NUP58: variants seen among roughly 807,000 people sequenced by gnomAD.
NUP58 encodes nucleoporin p58/p45.
In NUP58, 17 loss-of-function variants were observed where a neutral mutation model predicts 70.1. The observed-to-expected ratio is 0.24, with a 90% confidence interval of 0.17 to 0.36. NUP58 has a LOEUF of 0.36. Ranked by LOEUF, NUP58 falls within the 10% of genes least tolerant of loss-of-function variation. The probability of loss-of-function intolerance (pLI) is 1.00; values close to 1 mark genes in which losing one functional copy is unlikely to be tolerated. For synonymous variants in NUP58, 275 were observed against 257.6 expected, an observed-to-expected ratio of 1.07 and a Z score of -0.65; for missense variants, 644 against 701.5, an observed-to-expected ratio of 0.92 and a Z score of 0.93.
At chr13:25,339,841 A>G (rs2031900213) in intron 15 of NUP58, 124 bp from the exon 16 acceptor site, 1 of 816,382 alleles carries the variant, frequency 1.2e-6, no homozygotes, top group Non-Finnish European at 1.9e-6. Context: ...TTAGGGCTTT[A>G]ATATATTTGC....
At position 25,340,188 on chromosome 13, in the gene NUP58, C is replaced by A; in HGVS notation, c.*54C>A. ...TAGCAGCACCGTTCATTCTATGAGT[C>A]TATTTTTCTAATGATGCAGTAATTA... On this transcript the variant is annotated 3_prime_UTR_variant, in exon 16 of 16. Transcript: ENST00000381736. The A allele has an allele frequency of 7.2e-7, 1 of 1,389,578 alleles. No homozygotes were observed. The highest frequency in any genetic ancestry group is 9.5e-7 in the Non-Finnish European group (1 of 1,054,034). The allele number at this position is 1,389,578 out of a possible 1,614,324, so 86.1% of individuals were successfully genotyped here.
In NUP58 at chr13:25,330,933, C is replaced by CT. The variant is rs201782041; in HGVS notation, c.1234-414dup. Among the ~76,000 whole-genome samples, 141 of 148,374 alleles carry CT rather than the reference C, an allele frequency of 9.5e-4. 1 individual carries two copies. The highest frequency in any genetic ancestry group is 1.6e-3 in the Non-Finnish European group (105 of 66,714). On this transcript the variant is annotated intron_variant, in intron 12 of 15. Coordinates refer to ENST00000381736, the MANE Select transcript of NUP58 (RefSeq NM_014089.4). The stretch of plus-strand genomic sequence containing the variant: ...ATTTAGTGCTGACTTTTTTTTCTTT[C>CT]TTTTTTTTTTAAACTGTTTTAATCA...
At chr13:25,339,033 A>G (rs1400460984) in intron 15 of NUP58, among the ~76,000 whole-genome samples, 1 of 150,932 alleles carries the variant, frequency 6.6e-6, no homozygotes, top group Non-Finnish European at 1.5e-5. Flanking sequence ...AATTTTCTTC[A>G]TTATTACAAA....
At chr13:25,314,890 G>A (rs565709320) in intron 5 of NUP58, among the ~76,000 whole-genome samples, 1 of 152,018 alleles carries the variant, frequency 6.6e-6, no homozygotes, top group East Asian at 1.9e-4. Flanking sequence ...TTTGTGAAAC[G>A]AACTTGGGAG....
At chr13:25,335,027 A>G (rs2031732352) in intron 13 of NUP58, 1 of 985,238 alleles carries the variant, frequency 1.0e-6, no homozygotes, top group Non-Finnish European at 1.2e-6. Flanking sequence ...ACTAATATAT[A>G]TGGTGGCCAG....
At chr13:25,309,174 C>T (rs41290734) in intron 2 of NUP58, 73 bp from the exon 3 acceptor site, 52,885 of 1,141,162 alleles carry the variant, frequency 0.046, 1,518 homozygotes, top group Middle Eastern at 0.088. Flanking sequence ...TTAAGTCTTT[C>T]CCTTATGACA....
At chr13:25,334,818 TATATG>T (rs1231219005) in intron 13 of NUP58, 16 of 984,528 alleles carry the variant, frequency 1.6e-5, no homozygotes, top group Non-Finnish European at 1.8e-5. Context: ...GTGAATATAT[TATATG>T]GTAACTTTTG....
rs770947839 is a variant in NUP58 at position 25,321,073 on chromosome 13, T to C, written c.931T>C (p.Leu311=). The change falls in exon 9 of 16, where the codon TTG becomes CTG. Residue 311 remains leucine, a synonymous_variant. Coordinates refer to ENST00000381736, the MANE Select transcript of NUP58 (RefSeq NM_014089.4). ...GAGAAACACTCTCAACATTGACAAA[T>C]TGAAAATAGAAACTGCTCAGGTATA... The part of the protein sequence containing the change: ...IQRNTLNIDK[L]KIETAQELKN... 3.1e-6 allele frequency: 5 copies of C among 1,587,524 alleles called. No individual in the cohort carries two copies. The highest frequency in any genetic ancestry group is 1.2e-5 in the South Asian group (1 of 84,884).
intron 11 of NUP58, 76 bp downstream of exon 11, chr13:25,327,110 T>A: frequency 1.2e-6 from 1 of 805,294 alleles, no homozygotes; most frequent in Non-Finnish European, 2.0e-6. Flanking sequence ...ATAGGTATTT[T>A]GGATAACTAC....
At chr13:25,330,015 GA>G (rs1009242852) in intron 12 of NUP58, among the ~76,000 whole-genome samples, 1 of 152,100 alleles carries the variant, frequency 6.6e-6, no homozygotes, top group Non-Finnish European at 1.5e-5. Context: ...TTTTTGTAGA[GA>G]GGGGCACTTG....
intron 1 of NUP58, among the ~76,000 whole-genome samples, chr13:25,304,513 TATATGTA>T (rs1424720007): frequency 5.3e-5 from 5 of 93,922 alleles, no homozygotes; most frequent in Admixed American, 1.1e-4. Flanking sequence ...TATATATATA[TATATGTA>T]TTTTTTTTTT....
downstream of NUP58, among the ~76,000 whole-genome samples, chr13:25,343,037 A>G (rs747556253): frequency 6.6e-6 from 1 of 151,762 alleles, no homozygotes; most frequent in Non-Finnish European, 1.5e-5. Flanking sequence ...TTTTATTTCC[A>G]TAGATTATTG....
Position 25,348,149 on chromosome 13 carries a change from A to G in NUP58, n.322-1413A>G, listed in dbSNP as rs7322286. 5.2e-3 allele frequency among the ~76,000 whole-genome samples: 787 copies of G among 152,330 alleles called. 5 individuals are homozygous for G. The highest frequency in any genetic ancestry group is 0.018 in the African/African-American group (753 of 41,564). On this transcript the variant is annotated intron_variant and non_coding_transcript_variant, in intron 3 of 3. Coordinates refer to the NUP58 transcript ENST00000477876. Reference sequence around the variant, plus strand: ...CTTTAATTTTTATCTATTTAAATTTAAAAACTGACACACCATTCAAATATT... The same window carrying G: ...CTTTAATTTTTATCTATTTAAATTTGAAAACTGACACACCATTCAAATATT...
intron 12 of NUP58, among the ~76,000 whole-genome samples, chr13:25,330,286 A>C (rs781324247): frequency 6.6e-6 from 1 of 152,124 alleles, no homozygotes; most frequent in Admixed American, 6.5e-5. Flanking sequence ...TTCTTACATC[A>C]TATGTCTTGA....
intron 13 of NUP58, chr13:25,334,214 A>G (rs138628279): frequency 5.1e-6 from 5 of 985,258 alleles, no homozygotes; most frequent in Non-Finnish European, 6.0e-6. Flanking sequence ...ACTTGTCTAT[A>G]AGTGCTTCCC....
rs768047026 is a variant in NUP58 at position 25,321,026 on chromosome 13, C to T, written c.884C>T (p.Ser295Leu). ...ATTAAAGCTCTGAAGCAGCTCCTGT[C>T]GTTGGCTGCCAATGGAATACAGAGA... Reference protein sequence around the residue: ...EDIKALKQLLSLAANGIQRNT... With the variant: ...EDIKALKQLLLLAANGIQRNT... The change falls in exon 9 of 16, where the codon TCG becomes TTG. Residue 295 changes from serine to leucine, a missense_variant. Physicochemically the swap from Ser to Leu is moderately radical, Grantham distance 145 (BLOSUM62 -2). Around this residue, in one of 4 missense-constraint regions of NUP58, gnomAD observed 430 missense variants for 409.2 expected, o/e 1.05. Transcript: ENST00000381736. 24 of 1,600,756 alleles carry T rather than the reference C, an allele frequency of 1.5e-5. No individual in the cohort carries two copies. Among genetic ancestry groups the T allele is most frequent in the East Asian group, 2.3e-5 (1 of 43,926 alleles).
At chr13:25,347,789 GT>G (rs1177689401) in intron 3 of NUP58, among the ~76,000 whole-genome samples, 1 of 152,086 alleles carries the variant, frequency 6.6e-6, no homozygotes, top group Non-Finnish European at 1.5e-5. Context: ...TCAAATCATT[GT>G]TTACATCTTC....
intron 6 of NUP58, among the ~76,000 whole-genome samples, chr13:25,317,256 A>G (rs1008173424): frequency 1.3e-5 from 2 of 151,604 alleles, no homozygotes; most frequent in African/African-American, 4.9e-5. Flanking sequence ...GAGGTTCCAG[A>G]AGTCATGGAG....
intron 12 of NUP58, among the ~76,000 whole-genome samples, chr13:25,328,065 G>T (rs1321448453): frequency 2.0e-5 from 3 of 151,944 alleles, no homozygotes; most frequent in Non-Finnish European, 4.4e-5. Flanking sequence ...CGGGTATGGT[G>T]GCGGGCACTT....
Sources: allele counts gnomAD v4.1 joint callset (sites outside exome capture counted in the v4.1 genomes callset), GRCh38; gene constraint gnomAD v4.1.1; regional missense constraint gnomAD v4.1.1; transcripts MANE v1.5; gene names NCBI Gene and HGNC (gene_info 2026-07-23, HGNC 2026-07-21).